The following MIPOL1 variants were observed in gnomAD, a reference collection of about 807,000 sequenced individuals.
MIPOL1 encodes mirror-image polydactyly 1.
Under a neutral mutation model 60.9 loss-of-function variants are expected in MIPOL1, and 57 were observed. The observed-to-expected ratio is 0.94, with a 90% CI of 0.76 to 1.17. The LOEUF is 1.17. Among genes scored for constraint, MIPOL1 ranks in the 50% most tolerant of loss-of-function variants. The pLI, the probability that MIPOL1 is intolerant of heterozygous loss-of-function variation, is 0.00. For missense variants in MIPOL1, 551 were observed against 511.6 expected (o/e 1.08, Z -0.74); for synonymous variants, 179 against 168.8 (o/e 1.06, Z -0.47).
intron 11 of MIPOL1, among the ~76,000 whole-genome samples, chr14:37,437,759 G>A (rs1045983886): frequency 3.3e-5 from 5 of 152,074 alleles, no homozygotes; most frequent in African/African-American, 1.2e-4. Flanking sequence ...TCATATCATT[G>A]TTTTAGAATA....
In MIPOL1 at chr14:37,499,886, A is replaced by AT. The variant is rs762146376; in HGVS notation, c.1032-14dup. 5.9e-6 allele frequency: 8 copies of AT among 1,355,384 alleles called. No individual in the cohort carries two copies. The East Asian group carries it at 7.1e-5, about 12-fold the overall frequency. 84.0% of individuals were successfully genotyped at this position (1,355,384 alleles called of 1,614,324 possible). ...CTCAGTTTACATTACTTATCTTTAA[A>AT]TTTTTTTTAATATTTTCTCAGTTTA... is the stretch of plus-strand genomic sequence containing the variant. On this transcript the variant is annotated intron_variant, in intron 11 of 12. Coordinates refer to ENST00000684589, the MANE Select transcript of MIPOL1 (RefSeq NM_001388067.1).
In MIPOL1 at chr14:37,510,147, A is replaced by G. The variant is rs955016903; in HGVS notation, c.1262+10009A>G. Among the ~76,000 whole-genome samples, 74 of 152,058 alleles carry G rather than the reference A, an allele frequency of 4.9e-4. 2 individuals carry two copies. The highest frequency in any genetic ancestry group is 4.4e-5 in the Non-Finnish European group (3 of 68,018). On this transcript the variant is annotated intron_variant, in intron 12 of 12. Transcript: ENST00000684589. Reference sequence around the variant, plus strand: ...ATATATAAAGCTTATATATACACACATCTATAAACTACATGTATATAGACA... The same window carrying G: ...ATATATAAAGCTTATATATACACACGTCTATAAACTACATGTATATAGACA...
intron 11 of MIPOL1, chr14:37,434,497 C>CT (rs2094131195): frequency 6.6e-6 from 1 of 151,928 alleles, no homozygotes; most frequent in East Asian, 1.9e-4. Context: ...ACGAATTTGT[C>CT]TGTCATCCTT....
chr14:37,496,792 A>G lies in MIPOL1; in HGVS notation c.1032-3116A>G, dbSNP rs528577155. Among the ~76,000 whole-genome samples the G allele has an allele frequency of 3.0e-3, 458 of 152,286 alleles. 3 individuals carry two copies. Among genetic ancestry groups the G allele is most frequent in the African/African-American group, 0.01 (424 of 41,538 alleles). On this transcript the variant is annotated intron_variant, in intron 11 of 12. Coordinates refer to ENST00000684589, the MANE Select transcript of MIPOL1 (RefSeq NM_001388067.1). ...CCAATGACTTTCTTCACAGAATTGGAAAAAACTACTTTAAAGTTCGTATGG... is the reference window on the plus strand; with the variant it reads ...CCAATGACTTTCTTCACAGAATTGGGAAAAACTACTTTAAAGTTCGTATGG...
chr14:37,206,942 A>G (rs1177450509), intron 1 of MIPOL1, among the ~76,000 whole-genome samples: 1 of 152,228 alleles, frequency 6.6e-6, no homozygotes, highest in African/African-American at 2.4e-5. Flanking sequence ...GCAGGCTCAC[A>G]GGTGGAAAAG....
At chr14:37,367,712 T>C (rs921532730) in intron 9 of MIPOL1, among the ~76,000 whole-genome samples, 2 of 152,196 alleles carry the variant, frequency 1.3e-5, no homozygotes, top group Middle Eastern at 6.8e-3. Flanking sequence ...TGAATCCTTA[T>C]AGGTCCTACT....
At chr14:37,362,836 C>G (rs2092324046) in intron 9 of MIPOL1, among the ~76,000 whole-genome samples, 1 of 151,924 alleles carries the variant, frequency 6.6e-6, no homozygotes, top group East Asian at 1.9e-4. Context: ...TAAACTTCTC[C>G]CCTCGCTATA....
intron 9 of MIPOL1, among the ~76,000 whole-genome samples, chr14:37,365,526 G>A (rs542637794): frequency 6.6e-6 from 1 of 152,240 alleles, no homozygotes; most frequent in African/African-American, 2.4e-5. Flanking sequence ...ATTTGCGTAT[G>A]TTGAATCATC....
intron 11 of MIPOL1, among the ~76,000 whole-genome samples, chr14:37,477,682 C>G (rs1057336920): frequency 6.6e-6 from 1 of 152,186 alleles, no homozygotes; most frequent in Non-Finnish European, 1.5e-5. Flanking sequence ...TGCAGGGACA[C>G]AACACACAGT....
At chr14:37,470,908 G>T (rs2094679773) in intron 11 of MIPOL1, among the ~76,000 whole-genome samples, 2 of 152,152 alleles carry the variant, frequency 1.3e-5, no homozygotes, top group Non-Finnish European at 2.9e-5. Context: ...GTCTTTTAAT[G>T]CAAAAGAGAG....
intron 7 of MIPOL1, among the ~76,000 whole-genome samples, chr14:37,285,680 C>T (rs1441136481): frequency 3.3e-5 from 5 of 151,862 alleles, no homozygotes; most frequent in Non-Finnish European, 7.4e-5. Flanking sequence ...CAACCTCCGC[C>T]TCCCGGGTTC....
At chr14:37,454,778 A>T (rs1385828642) in intron 11 of MIPOL1, among the ~76,000 whole-genome samples, 1 of 152,232 alleles carries the variant, frequency 6.6e-6, no homozygotes, top group Non-Finnish European at 1.5e-5. Context: ...TTAACTAGGT[A>T]ATAAATTTTA....
At chr14:37,329,714 T>C (rs1243526344) in intron 9 of MIPOL1, among the ~76,000 whole-genome samples, 1 of 152,162 alleles carries the variant, frequency 6.6e-6, no homozygotes, top group Non-Finnish European at 1.5e-5. Context: ...TAATAAACTA[T>C]TAAACTGTGG....
chr14:37,295,048 C>T (rs1212054599), intron 7 of MIPOL1, among the ~76,000 whole-genome samples: 2 of 152,074 alleles, frequency 1.3e-5, no homozygotes, highest in Non-Finnish European at 2.9e-5. Flanking sequence ...TCAGGGCAGC[C>T]AGAGAGAAAG....
At chr14:37,423,011 G>T (rs1012277660) in intron 11 of MIPOL1, 62 bp downstream of exon 11, 39 of 1,034,100 alleles carry the variant, frequency 3.8e-5, no homozygotes, top group Middle Eastern at 2.0e-4. Context: ...GTTTCTACCT[G>T]ATTTTACAAT....
intron 12 of MIPOL1, among the ~76,000 whole-genome samples, chr14:37,529,113 A>G (rs943125560): frequency 6.6e-6 from 1 of 152,210 alleles, no homozygotes; most frequent in African/African-American, 2.4e-5. Flanking sequence ...TCTTCTTGCC[A>G]TTTCATTGTA....
intron 11 of MIPOL1, among the ~76,000 whole-genome samples, chr14:37,446,848 C>G (rs2094343557): frequency 6.6e-6 from 1 of 151,678 alleles, no homozygotes; most frequent in African/African-American, 2.4e-5. Flanking sequence ...ACCGCATGTT[C>G]TCACTCATAG....
At chr14:37,493,095 G>T (rs756260423) in intron 11 of MIPOL1, among the ~76,000 whole-genome samples, 7 of 152,130 alleles carry the variant, frequency 4.6e-5, no homozygotes, top group Non-Finnish European at 8.8e-5. Flanking sequence ...AATAATAAGT[G>T]CATATTGTAG....
At chr14:37,345,974 CAT>C (rs2090918155) in intron 9 of MIPOL1, among the ~76,000 whole-genome samples, 1 of 152,182 alleles carries the variant, frequency 6.6e-6, no homozygotes, top group Non-Finnish European at 1.5e-5. Flanking sequence ...TTTAGGGACA[CAT>C]ATCTTCTCTA....
Sources: gnomAD v4.1 joint callset for allele counts (sites outside exome capture counted in the v4.1 genomes callset) on GRCh38, gnomAD v4.1.1 for gene constraint, MANE v1.5 for transcripts, NCBI Gene and HGNC (gene_info 2026-07-23, HGNC 2026-07-21) for gene names.